The following ATP10B variants were observed in gnomAD, a reference collection of about 807,000 sequenced individuals.
ATP10B encodes the protein phospholipid-transporting ATPase VB.
Under a neutral mutation model 141.2 loss-of-function variants are expected in ATP10B, and 122 were observed. The observed-to-expected ratio is 0.86, with a 90% CI of 0.75 to 1.00. The LOEUF (loss-of-function observed/expected upper bound fraction) is 1.00, where lower values mean the gene tolerates loss of function less well. ATP10B is among the 50% of genes least tolerant of loss of function. The pLI is 0.00. For missense variants in ATP10B, 1,876 were observed against 1,825.3 expected (o/e 1.03, Z -0.51); for synonymous variants, 685 against 692.0 (o/e 0.99, Z 0.16).
At chr5:160,782,838 G>C in intron 2 of ATP10B, among the ~76,000 whole-genome samples, 1 of 152,104 alleles carries the variant, frequency 6.6e-6, no homozygotes, top group Middle Eastern at 3.4e-3. Flanking sequence ...ATAATATTGA[G>C]TTCACAAAGC....
In ATP10B at chr5:160,622,401, C is replaced by CTGGGCTCGG. The variant is rs1411312227; in HGVS notation, c.1796_1804dup (p.Thr599_Pro601dup). Reference sequence around the variant, plus strand: ...GCCATCGCTGGTCCTTACCCTCTGCCTGGGCTCGGTGGTTGTGGACACCAT... The same window carrying CTGGGCTCGG: ...GCCATCGCTGGTCCTTACCCTCTGCCTGGGCTCGGTGGGCTCGGTGGTTGTGGACACCAT... On this transcript the variant is annotated inframe_insertion, in exon 14 of 26. Coordinates refer to ENST00000327245, the MANE Select transcript of ATP10B (RefSeq NM_025153.3). 6.2e-7 allele frequency: 1 copy of CTGGGCTCGG among 1,612,520 alleles called. No individual in the cohort carries two copies. Among genetic ancestry groups the CTGGGCTCGG allele is most frequent in the Non-Finnish European group, 8.5e-7 (1 of 1,179,418 alleles).
rs1039419574 is a variant in ATP10B at position 160,689,360 on chromosome 5, T to C, written c.-204-417A>G. On this transcript the variant is annotated intron_variant, in intron 3 of 25. Coordinates refer to ENST00000327245, the MANE Select transcript of ATP10B (RefSeq NM_025153.3). ...CTTACCACTCCTGTTCAACATAGTG[T>C]TGGAAATTCTGTCCAGGGCAATCAG... 5.9e-5 allele frequency among the ~76,000 whole-genome samples: 9 copies of C among 152,322 alleles called. No homozygotes were observed. In the South Asian group the frequency reaches 1.9e-3, roughly 32 times the overall value.
chr5:160,910,678 G>A, the ATP10B span, among the ~76,000 whole-genome samples: 2 of 152,214 alleles, frequency 1.3e-5, no homozygotes, highest in African/African-American at 4.8e-5. Flanking sequence ...AGTAATTTTT[G>A]AGGCTATGAA....
intron 10 of ATP10B, among the ~76,000 whole-genome samples, chr5:160,638,953 C>T (rs1196032765): frequency 3.3e-5 from 5 of 152,188 alleles, no homozygotes; most frequent in Non-Finnish European, 5.9e-5. Context: ...CTGTCTCCAC[C>T]TCTCATGGTG....
intron 2 of ATP10B, among the ~76,000 whole-genome samples, chr5:160,732,615 C>T (rs1561798054): frequency 1.3e-5 from 2 of 152,084 alleles, no homozygotes; most frequent in Non-Finnish European, 2.9e-5. Flanking sequence ...TGTAAATATG[C>T]TGATTTATTT....
intron 7 of ATP10B, among the ~76,000 whole-genome samples, chr5:160,659,333 T>C (rs989524703): frequency 4.6e-5 from 7 of 151,858 alleles, no homozygotes; most frequent in African/African-American, 1.7e-4. Flanking sequence ...GGTATGGTAG[T>C]GGGCACCTGT....
At chr5:160,793,978 C>G (rs936168936) in intron 1 of ATP10B, among the ~76,000 whole-genome samples, 8 of 152,160 alleles carry the variant, frequency 5.3e-5, no homozygotes, top group Non-Finnish European at 1.0e-4. Flanking sequence ...ACTATACCAT[C>G]TAGGTTTGTG....
At chr5:160,718,374 C>A (rs1296462906) in intron 2 of ATP10B, among the ~76,000 whole-genome samples, 1 of 152,170 alleles carries the variant, frequency 6.6e-6, no homozygotes, top group African/African-American at 2.4e-5. Context: ...TGAAGTCAGA[C>A]AAGTATGGAT....
rs147914974 is a variant in ATP10B at position 160,788,571 on chromosome 5, G to T, written c.-575-2768C>A. On this transcript the variant is annotated intron_variant, in intron 1 of 25. Transcript: ENST00000327245. ...TAATTAACTTTCCTGTTCTAAAAAG[G>T]CCCTGGGAGAGAGTCCAGAGGGTGG... Among the ~76,000 whole-genome samples the T allele has an allele frequency of 1.1e-4, 17 of 152,200 alleles. No homozygotes were observed. In the East Asian group the frequency reaches 3.1e-3, roughly 28 times the overall value.
At chr5:160,909,733 A>T in the ATP10B span, among the ~76,000 whole-genome samples, 3 of 152,208 alleles carry the variant, frequency 2.0e-5, no homozygotes, top group African/African-American at 4.8e-5. Flanking sequence ...TAAAGCAGCT[A>T]AGTGACGATA....
intron 24 of ATP10B, among the ~76,000 whole-genome samples, chr5:160,576,135 C>T (rs927964961): frequency 2.0e-4 from 30 of 152,060 alleles, no homozygotes; most frequent in East Asian, 1.9e-4. Flanking sequence ...TGAATGGGGT[C>T]GGGTAGAATT....
intron 3 of ATP10B, among the ~76,000 whole-genome samples, 188 bp from the exon 4 acceptor site, chr5:160,689,131 A>G (rs1489943344): frequency 6.6e-6 from 1 of 152,270 alleles, no homozygotes; most frequent in Non-Finnish European, 1.5e-5. Flanking sequence ...CAAAAACCAT[A>G]TGATTACCTC....
chr5:160,889,500 T>C, the ATP10B span, among the ~76,000 whole-genome samples: 1 of 152,168 alleles, frequency 6.6e-6, no homozygotes, highest in Admixed American at 6.5e-5. Flanking sequence ...TCCCAACTAA[T>C]TTGTTCCTCA....
At chr5:160,762,213 T>C (rs936793975) in intron 2 of ATP10B, among the ~76,000 whole-genome samples, 14 of 152,196 alleles carry the variant, frequency 9.2e-5, no homozygotes, top group African/African-American at 3.4e-4. Flanking sequence ...AGAAGCTCAA[T>C]GAACACTTGT....
chr5:160,782,299 C>G (rs1770770113), intron 2 of ATP10B, among the ~76,000 whole-genome samples: 1 of 152,154 alleles, frequency 6.6e-6, no homozygotes, highest in Non-Finnish European at 1.5e-5. Context: ...AGAGACGTTG[C>G]TGAAGTAAAC....
At chr5:160,699,068 T>C (rs1379187769) in intron 3 of ATP10B, among the ~76,000 whole-genome samples, 1 of 152,216 alleles carries the variant, frequency 6.6e-6, no homozygotes, top group Non-Finnish European at 1.5e-5. Context: ...TGCTCACCTA[T>C]GTGTTCTCCC....
At chr5:160,579,685 T>G (rs1044999120) in intron 24 of ATP10B, among the ~76,000 whole-genome samples, 1 of 152,232 alleles carries the variant, frequency 6.6e-6, no homozygotes, top group African/African-American at 2.4e-5. Flanking sequence ...AAAGTAGATT[T>G]TTCCAGTTCT....
intron 2 of ATP10B, among the ~76,000 whole-genome samples, chr5:160,778,750 T>TA (rs1770516473): frequency 1.3e-5 from 2 of 152,328 alleles, no homozygotes; most frequent in South Asian, 4.1e-4. Context: ...TTATTGCTAA[T>TA]AGGGGTACGT....
chr5:160,721,034 T>C (rs1178527430), intron 2 of ATP10B, among the ~76,000 whole-genome samples: 1 of 152,180 alleles, frequency 6.6e-6, no homozygotes, highest in Non-Finnish European at 1.5e-5. Context: ...AGTATGTGCA[T>C]ATGTGTGTGT....
Sources: gnomAD v4.1 joint callset for allele counts (sites outside exome capture counted in the v4.1 genomes callset) on GRCh38, gnomAD v4.1.1 for gene constraint, MANE v1.5 for transcripts, NCBI Gene and HGNC (gene_info 2026-07-23, HGNC 2026-07-21) for gene names.